SETD5: variants seen among roughly 807,000 people sequenced by gnomAD.
SETD5 encodes the protein SET domain containing 5.
Under a neutral mutation model 153.3 loss-of-function variants are expected in SETD5, and 44 were observed. The ratio of observed to expected loss-of-function variants is 0.29; its 90% CI spans 0.23 to 0.37. The LOEUF (loss-of-function observed/expected upper bound fraction) is 0.37, where lower values mean the gene tolerates loss of function less well. Ranked by LOEUF, SETD5 falls within the 10% of genes least tolerant of loss-of-function variation. The pLI is 1.00. For missense variants in SETD5, 1,544 were observed against 1,768.0 expected (o/e 0.87, Z 2.27); for synonymous variants, 716 against 645.2 (o/e 1.11, Z -1.66).
Position 9,445,310 on chromosome 3 carries a change from C to G in SETD5, c.1440+10C>G, listed in dbSNP as rs1489364812. The stretch of plus-strand genomic sequence containing the variant: ...ATCCAGTGATCATGAGGTAATCGCC[C>G]CTGGTCAAATGATGATGCTATGGCA... On this transcript the variant is annotated intron_variant, in intron 12 of 22. Coordinates refer to ENST00000402198, the MANE Select transcript of SETD5 (RefSeq NM_001080517.3). 1 of 1,596,986 alleles carries G rather than the reference C, an allele frequency of 6.3e-7. No homozygotes were observed. Among genetic ancestry groups the G allele is most frequent in the African/African-American group, 1.3e-5 (1 of 74,582 alleles).
At chr3:9,432,735 A>G (rs1208706880) in intron 3 of SETD5, among the ~76,000 whole-genome samples, 1 of 152,194 alleles carries the variant, frequency 6.6e-6, no homozygotes, top group Non-Finnish European at 1.5e-5. Flanking sequence ...TTTTTATTGT[A>G]AAGGCTTATA....
At chr3:9,459,170 C>A (rs2043619142) in intron 17 of SETD5, among the ~76,000 whole-genome samples, 1 of 152,056 alleles carries the variant, frequency 6.6e-6, no homozygotes, top group Admixed American at 6.6e-5. Context: ...AGACGAAACT[C>A]TGTAGTCAAA....
intron 11 of SETD5, among the ~76,000 whole-genome samples, chr3:9,443,686 A>G (rs1054823135): frequency 6.6e-6 from 1 of 152,246 alleles, no homozygotes; most frequent in African/African-American, 2.4e-5. Context: ...CAAAATGGAT[A>G]TATATGTATG....
At chr3:9,426,477 A>C (rs1164718888) in intron 2 of SETD5, among the ~76,000 whole-genome samples, 1 of 150,730 alleles carries the variant, frequency 6.6e-6, no homozygotes, top group Non-Finnish European at 1.5e-5. Context: ...GCTCACTGCA[A>C]CCTCCACCTC....
intron 3 of SETD5, 76 bp from the exon 4 acceptor site, chr3:9,433,769 G>T (rs2040245166): frequency 3.5e-6 from 5 of 1,436,474 alleles, no homozygotes; most frequent in Non-Finnish European, 4.9e-6. Context: ...GGAGGGGTTA[G>T]AATGGGAAAT....
chr3:9,467,607 A>C (rs1217014774), intron 18 of SETD5, among the ~76,000 whole-genome samples: 1 of 152,102 alleles, frequency 6.6e-6, no homozygotes, highest in African/African-American at 2.4e-5. Flanking sequence ...CCTGCCACCT[A>C]GGCCACAGTT....
chr3:9,467,833 A>G (rs2044793509), intron 18 of SETD5, among the ~76,000 whole-genome samples: 1 of 152,044 alleles, frequency 6.6e-6, no homozygotes. Flanking sequence ...GTATACACAT[A>G]CATGCTTTTT....
At chr3:9,454,180 G>T (rs953531624) in intron 17 of SETD5, 3 of 163,290 alleles carry the variant, frequency 1.8e-5, no homozygotes, top group Non-Finnish European at 4.0e-5. Context: ...GAAAGTGGTG[G>T]AACACTAATA....
chr3:9,400,095 A>T (rs1178301418), intron 1 of SETD5, among the ~76,000 whole-genome samples: 2 of 152,180 alleles, frequency 1.3e-5, no homozygotes, highest in Non-Finnish European at 2.9e-5. Context: ...CTTTTCTGGG[A>T]ATTTTCACTG....
intron 18 of SETD5, among the ~76,000 whole-genome samples, chr3:9,469,266 C>G (rs1045165969): frequency 6.6e-6 from 1 of 152,076 alleles, no homozygotes; most frequent in Admixed American, 6.5e-5. Context: ...TCTCACAAAC[C>G]CTACTGCTGT....
intron 3 of SETD5, chr3:9,430,834 A>G (rs1437053845): frequency 1.0e-6 from 1 of 985,312 alleles, no homozygotes; most frequent in Admixed American, 6.2e-5. Context: ...TGGTCTACAA[A>G]TGTGACTGCG....
intron 18 of SETD5, among the ~76,000 whole-genome samples, chr3:9,467,570 G>T (rs2044760024): frequency 6.6e-6 from 1 of 152,070 alleles, no homozygotes; most frequent in Non-Finnish European, 1.5e-5. Flanking sequence ...TGCTGAAGCA[G>T]CCTCATTTCC....
chr3:9,413,453 G>A (rs376677255), intron 1 of SETD5, among the ~76,000 whole-genome samples: 2 of 152,178 alleles, frequency 1.3e-5, no homozygotes. Context: ...GATAAAATCT[G>A]CCCTTCTCTC....
chr3:9,423,605 A>G (rs1041230893), intron 1 of SETD5, among the ~76,000 whole-genome samples: 2 of 150,840 alleles, frequency 1.3e-5, no homozygotes, highest in Non-Finnish European at 3.0e-5. Context: ...TGATACTTTT[A>G]TTTCTCTAAT....
At chr3:9,447,468 A>G (rs554909725) in intron 14 of SETD5, among the ~76,000 whole-genome samples, 161 bp downstream of exon 14, 12 of 152,374 alleles carry the variant, frequency 7.9e-5, no homozygotes, top group South Asian at 4.1e-4. Context: ...GGCCTATTTT[A>G]TAAATGCTTA....
intron 17 of SETD5, among the ~76,000 whole-genome samples, chr3:9,462,622 A>G (rs1483586876): frequency 6.6e-6 from 1 of 150,976 alleles, no homozygotes; most frequent in Non-Finnish European, 1.5e-5. Flanking sequence ...ATATAGATAG[A>G]TGGGGCCAGG....
At chr3:9,456,013 A>G (rs2043190944) in intron 17 of SETD5, among the ~76,000 whole-genome samples, 1 of 152,232 alleles carries the variant, frequency 6.6e-6, no homozygotes, top group Non-Finnish European at 1.5e-5. Flanking sequence ...TTGCTACAAA[A>G]TTAGCATAAA....
Position 9,448,601 on chromosome 3 carries a change from C to T in SETD5, c.2317C>T (p.Pro773Ser). Residue 773 changes from proline to serine, a missense_variant, in exon 16 of 23, where the codon CCT becomes TCT. Transcript: ENST00000402198. ...IPERRRRPLL[P>S]DGTFSSCKKR... ...TGAGAGACGTCGAAGGCCCCTTCTGCCTGATGGCACATTCAGCTCCTGTAA... is the reference window on the plus strand; with the variant it reads ...TGAGAGACGTCGAAGGCCCCTTCTGTCTGATGGCACATTCAGCTCCTGTAA... The T allele has an allele frequency of 6.2e-7, 1 of 1,602,726 alleles. No individual in the cohort carries two copies. The highest frequency in any genetic ancestry group is 1.1e-5 in the South Asian group (1 of 89,578).
chr3:9,473,117 C>A, intron 19 of SETD5, 119 bp from the exon 20 acceptor site: 1 of 1,230,548 alleles, frequency 8.1e-7, no homozygotes, highest in Non-Finnish European at 1.1e-6. Flanking sequence ...GCTTTGTTTG[C>A]GTGGCTTGGC....
Sources: gnomAD v4.1 joint callset for allele counts (sites outside exome capture counted in the v4.1 genomes callset) on GRCh38, gnomAD v4.1.1 for gene constraint, MANE v1.5 for transcripts, NCBI Gene and HGNC (gene_info 2026-07-23, HGNC 2026-07-21) for gene names.